MUSK: variants seen among roughly 807,000 people sequenced by gnomAD.
MUSK encodes the protein muscle, skeletal receptor tyrosine-protein kinase.
MUSK carries 55 observed loss-of-function variants against 88.7 expected under a neutral mutation model. That is an observed-to-expected ratio of 0.62 (90% CI 0.50 to 0.78). The LOEUF (loss-of-function observed/expected upper bound fraction) is 0.78. Ranked by LOEUF, MUSK falls within the 30% of genes least tolerant of loss-of-function variation. MUSK has a pLI of 0.00. For synonymous variants in MUSK, 387 were observed against 391.9 expected, an observed-to-expected ratio of 0.99 and a Z score of 0.15; for missense variants, 1,015 against 1,074.3, an observed-to-expected ratio of 0.94 and a Z score of 0.77.
In MUSK at chr9:110,805,003, A is replaced by C. The variant is rs2078145023; in HGVS notation, c.*4015A>C. 6.6e-6 allele frequency among the ~76,000 whole-genome samples: 1 copy of C among 152,006 alleles called. No homozygotes were observed. Among genetic ancestry groups the C allele is most frequent in the South Asian group, 2.1e-4 (1 of 4,832 alleles). On this transcript the variant is annotated 3_prime_UTR_variant, in exon 15 of 15. Coordinates refer to ENST00000374448, the MANE Select transcript of MUSK (RefSeq NM_005592.4). ...TTAATATATCTTAAACATCTTCTACATGAACAAGTATTCATGTGCAACATT... is the reference window on the plus strand; with the variant it reads ...TTAATATATCTTAAACATCTTCTACCTGAACAAGTATTCATGTGCAACATT...
intron 1 of MUSK, among the ~76,000 whole-genome samples, chr9:110,677,427 A>T (rs1281298159): frequency 6.6e-6 from 1 of 152,006 alleles, no homozygotes; most frequent in Non-Finnish European, 1.5e-5. Flanking sequence ...GCAGCATTTG[A>T]TTCTCCCTCT....
rs1564209274 is a variant in MUSK, at chr9:110,681,015, A to ATATATAT, written c.80-1638_80-1632dup. On this transcript the variant is annotated intron_variant, in intron 1 of 14. Transcript: ENST00000374448. The stretch of plus-strand genomic sequence containing the variant: ...CTTATAATATATTATATTATATATA[A>ATATATAT]TATATATTATATATTATATATTATA... Among the ~76,000 whole-genome samples the ATATATAT allele has an allele frequency of 1.6e-4, 4 of 24,498 alleles. 1 individual carries two copies. Among genetic ancestry groups the ATATATAT allele is most frequent in the Non-Finnish European group, 2.1e-4 (3 of 14,352 alleles). The allele number at this position is 24,498 out of a possible 152,430, so 16.1% of individuals were successfully genotyped here.
chr9:110,764,410 G>C (rs1361757600), intron 8 of MUSK, among the ~76,000 whole-genome samples: 1 of 152,156 alleles, frequency 6.6e-6, no homozygotes, highest in African/African-American at 2.4e-5. Context: ...GATAGATTTA[G>C]GGGTTTGAGG....
intron 7 of MUSK, 139 bp downstream of exon 7, chr9:110,747,939 G>A (rs766505709): frequency 4.8e-5 from 56 of 1,170,062 alleles, no homozygotes; most frequent in Non-Finnish European, 6.9e-5. Context: ...CTCCCCCATG[G>A]GGATACTCCG....
intron 7 of MUSK, among the ~76,000 whole-genome samples, chr9:110,754,465 C>A (rs922681535): frequency 1.3e-5 from 2 of 152,282 alleles, no homozygotes; most frequent in African/African-American, 4.8e-5. Context: ...TGGACCCCTT[C>A]CTCATCTCCT....
chr9:110,689,720 T>TTATATATAAATATATAACTATATATAG (rs1250674093), intron 3 of MUSK, among the ~76,000 whole-genome samples: 5 of 57,038 alleles, frequency 8.8e-5, no homozygotes, highest in African/African-American at 2.9e-4. Context: ...ACTATATATG[T>TTATATATAAATATATAACTATATATAG]TATATATAGT....
intron 3 of MUSK, among the ~76,000 whole-genome samples, chr9:110,689,770 T>A (rs190376706): frequency 0.69 from 51,680 of 74,644 alleles, 17,873 homozygotes; most frequent in African/African-American, 0.82. Context: ...ACTATATATA[T>A]CACATATAGT....
chr9:110,748,585 G>A (rs1039522422), intron 7 of MUSK, among the ~76,000 whole-genome samples: 1 of 152,118 alleles, frequency 6.6e-6, no homozygotes, highest in African/African-American at 2.4e-5. Flanking sequence ...ATCAGGAAAT[G>A]CCAGGCATAT....
chr9:110,751,443 A>C (rs1212617085), intron 7 of MUSK, among the ~76,000 whole-genome samples: 1 of 152,170 alleles, frequency 6.6e-6, no homozygotes, highest in East Asian at 1.9e-4. Context: ...ACCCAGGAAA[A>C]ATAACAGTGG....
chr9:110,747,607 G>T, intron 6 of MUSK, 34 bp from the exon 7 acceptor site: 2 of 1,586,440 alleles, frequency 1.3e-6, no homozygotes, highest in South Asian at 1.1e-5. Context: ...GGAAATCCTT[G>T]ACTGAGTTCT....
intron 3 of MUSK, among the ~76,000 whole-genome samples, chr9:110,689,619 A>G (rs2076265380): frequency 1.2e-5 from 1 of 81,152 alleles, no homozygotes; most frequent in Non-Finnish European, 2.3e-5. Context: ...ATTTTAGTAT[A>G]TATATTATAT....
chr9:110,706,711 C>T (rs1345683818), intron 5 of MUSK, among the ~76,000 whole-genome samples: 1 of 152,080 alleles, frequency 6.6e-6, no homozygotes, highest in Non-Finnish European at 1.5e-5. Flanking sequence ...CTTTAAAACG[C>T]TAGACCAGAG....
intron 14 of MUSK, among the ~76,000 whole-genome samples, chr9:110,797,280 A>G (rs1399337310): frequency 7.7e-6 from 1 of 130,716 alleles, no homozygotes. Flanking sequence ...TCACAAATAA[A>G]AAACAAACAA....
At chr9:110,682,388 G>A (rs1171091155) in intron 1 of MUSK, among the ~76,000 whole-genome samples, 1 of 69,642 alleles carries the variant, frequency 1.4e-5, no homozygotes, top group Non-Finnish European at 2.9e-5. Flanking sequence ...TCTTTAAAAA[G>A]TACAAATTGC....
At chr9:110,721,154 A>T (rs187970699) in intron 5 of MUSK, among the ~76,000 whole-genome samples, 8 of 152,106 alleles carry the variant, frequency 5.3e-5, no homozygotes, top group Admixed American at 1.3e-4. Flanking sequence ...GGAAAAGCTG[A>T]AAGTGTTACC....
At chr9:110,774,945 G>T (rs1306970789) in intron 9 of MUSK, among the ~76,000 whole-genome samples, 1 of 151,748 alleles carries the variant, frequency 6.6e-6, no homozygotes, top group Admixed American at 6.6e-5. Flanking sequence ...AAGGACATCT[G>T]CTATTATTAT....
chr9:110,749,619 C>T (rs1185917610), intron 7 of MUSK, among the ~76,000 whole-genome samples: 1 of 152,142 alleles, frequency 6.6e-6, no homozygotes, highest in African/African-American at 2.4e-5. Context: ...AGCAAATTAA[C>T]AGATGCTGAG....
At chr9:110,694,290 G>A (rs1259483107) in intron 3 of MUSK, among the ~76,000 whole-genome samples, 3 of 148,602 alleles carry the variant, frequency 2.0e-5, no homozygotes, top group Non-Finnish European at 4.4e-5. Flanking sequence ...GGAAGCTGAG[G>A]CAGGACAATG....
intron 1 of MUSK, among the ~76,000 whole-genome samples, chr9:110,674,485 C>T (rs2075999355): frequency 1.3e-5 from 2 of 152,224 alleles, no homozygotes; most frequent in Admixed American, 1.3e-4. Flanking sequence ...TCCCACTTGA[C>T]TACGATTAAT....
Sources: allele counts gnomAD v4.1 joint callset (sites outside exome capture counted in the v4.1 genomes callset), GRCh38; gene constraint gnomAD v4.1.1; transcripts MANE v1.5; gene names NCBI Gene and HGNC (gene_info 2026-07-23, HGNC 2026-07-21).